The following UBR1 variants were observed in gnomAD, a reference collection of about 807,000 sequenced individuals.
UBR1 encodes E3 ubiquitin-protein ligase UBR1.
Under a neutral mutation model 242.1 loss-of-function variants are expected in UBR1, and 102 were observed. That is an observed-to-expected ratio of 0.42 (90% CI 0.36 to 0.50). The LOEUF is 0.50. UBR1 is among the 20% of genes least tolerant of loss of function. The pLI is 0.01. For synonymous variants in UBR1, 675 were observed against 684.8 expected, an observed-to-expected ratio of 0.99 and a Z score of 0.22; for missense variants, 1,772 against 2,101.8, an observed-to-expected ratio of 0.84 and a Z score of 3.07.
chr15:43,026,496 T>G, intron 23 of UBR1, 65 bp downstream of exon 23: 1 of 1,430,324 alleles, frequency 7.0e-7, no homozygotes, highest in South Asian at 1.2e-5. Flanking sequence ...AGCAGAAAAT[T>G]TTCTGTGGAG....
chr15:42,976,646 A>G, intron 39 of UBR1, 71 bp downstream of exon 39: 2 of 1,547,240 alleles, frequency 1.3e-6, no homozygotes, highest in East Asian at 4.5e-5. Flanking sequence ...TATAATCACA[A>G]GAATAATTAA....
At chr15:42,949,445 T>A (rs1040523176) in intron 46 of UBR1, among the ~76,000 whole-genome samples, 59 of 149,860 alleles carry the variant, frequency 3.9e-4, no homozygotes, top group East Asian at 2.0e-3. Context: ...TAAAATAAAA[T>A]AAAAAAAAAA....
At chr15:43,093,872 C>A (rs1262951290) in intron 1 of UBR1, among the ~76,000 whole-genome samples, 1 of 150,304 alleles carries the variant, frequency 6.7e-6, no homozygotes, top group African/African-American at 2.4e-5. Flanking sequence ...TATCCTGTTA[C>A]TGAAATAAAC....
intron 4 of UBR1, among the ~76,000 whole-genome samples, chr15:43,071,596 A>C (rs2033826220): frequency 6.6e-6 from 1 of 152,192 alleles, no homozygotes; most frequent in African/African-American, 2.4e-5. Flanking sequence ...ATTCTTAAAA[A>C]CGGTTAAGAT....
intron 6 of UBR1, among the ~76,000 whole-genome samples, chr15:43,062,447 A>G (rs1271589753): frequency 6.6e-6 from 1 of 152,088 alleles, no homozygotes; most frequent in African/African-American, 2.4e-5. Context: ...GAGGGAGGGG[A>G]AAAGGGGGAA....
intron 33 of UBR1, among the ~76,000 whole-genome samples, chr15:42,996,940 G>C (rs1171501972): frequency 6.6e-6 from 1 of 152,122 alleles, no homozygotes; most frequent in African/African-American, 2.4e-5. Flanking sequence ...ACTGGACTTT[G>C]CCTTCACCCT....
chr15:43,051,666 A>AT (rs1276009451), intron 12 of UBR1, among the ~76,000 whole-genome samples: 1 of 152,186 alleles, frequency 6.6e-6, no homozygotes, highest in Non-Finnish European at 1.5e-5. Flanking sequence ...GAGAATTTAC[A>AT]TTTTTGGTTT....
intron 40 of UBR1, 106 bp downstream of exon 40, chr15:42,970,414 T>C (rs2032184577): frequency 8.3e-7 from 1 of 1,204,670 alleles, no homozygotes; most frequent in South Asian, 1.2e-5. Context: ...AGGCAATAAC[T>C]GATTATTTTT....
rs1318570816 is a variant in UBR1 at position 43,054,808 on chromosome 15, T to C, written c.1373A>G (p.Lys458Arg). 4.3e-6 allele frequency: 7 copies of C among 1,614,130 alleles called. No homozygotes were observed. Among genetic ancestry groups the C allele is most frequent in the Middle Eastern group, 3.3e-4 (2 of 6,060 alleles). Reference protein sequence around the residue: ...VLPEYLDRNNKFNFQGYSQDK... With the variant: ...VLPEYLDRNNRFNFQGYSQDK... Reference sequence around the variant, plus strand: ...CTGGCTATAACCCTGGAAGTTGAATTTATTGTTCCTGTCCAAGTACTCAGG... The same window carrying C: ...CTGGCTATAACCCTGGAAGTTGAATCTATTGTTCCTGTCCAAGTACTCAGG... Residue 458 changes from lysine to arginine, a missense_variant, in exon 12 of 47, where the codon AAA becomes AGA. Lys to Arg is a conservative substitution (Grantham distance 26). Transcript: ENST00000290650.
chr15:43,031,849 C>T (rs763132446), intron 20 of UBR1, among the ~76,000 whole-genome samples: 18 of 152,202 alleles, frequency 1.2e-4, no homozygotes, highest in Admixed American at 1.0e-3. Flanking sequence ...GGTGAAACCC[C>T]GTCTCTATTA....
At chr15:43,034,036 G>A (rs918413288) in intron 19 of UBR1, among the ~76,000 whole-genome samples, 3 of 152,008 alleles carry the variant, frequency 2.0e-5, no homozygotes, top group Non-Finnish European at 1.5e-5. Context: ...TCAGGAGTTC[G>A]AAATCAGCCT....
At chr15:42,993,395 G>A (rs1167348308) in intron 33 of UBR1, among the ~76,000 whole-genome samples, 6 of 149,694 alleles carry the variant, frequency 4.0e-5, no homozygotes, top group East Asian at 3.9e-4. Flanking sequence ...ACAGAGTCTC[G>A]CTGTATCACC....
At chr15:43,005,798 G>A (rs1258816220) in intron 30 of UBR1, among the ~76,000 whole-genome samples, 8 of 148,832 alleles carry the variant, frequency 5.4e-5, no homozygotes, top group African/African-American at 1.2e-4. Flanking sequence ...CCCCAACCCC[G>A]TGCTCTCTGA....
chr15:43,042,039 G>A (rs1034170983), intron 15 of UBR1, among the ~76,000 whole-genome samples: 1 of 152,154 alleles, frequency 6.6e-6, no homozygotes, highest in African/African-American at 2.4e-5. Flanking sequence ...AATAGCAAGT[G>A]TTGGCAAGGT....
At chr15:42,953,170 G>A (rs763212685) in intron 44 of UBR1, among the ~76,000 whole-genome samples, 1 of 152,172 alleles carries the variant, frequency 6.6e-6, no homozygotes, top group African/African-American at 2.4e-5. Flanking sequence ...GTCAACTAGT[G>A]TTTTATGATG....
chr15:43,019,068 C>CT (rs963307785), intron 27 of UBR1, among the ~76,000 whole-genome samples: 74 of 148,272 alleles, frequency 5.0e-4, no homozygotes, highest in African/African-American at 9.1e-4. Context: ...ATATCACTAT[C>CT]TTTTTTTTTT....
intron 36 of UBR1, 129 bp from the exon 37 acceptor site, chr15:42,984,122 A>G: frequency 1.9e-6 from 1 of 520,696 alleles, no homozygotes; most frequent in South Asian, 3.5e-5. Context: ...TATACCTTAT[A>G]TCATTGCAAA....
At chr15:42,964,783 A>G (rs1395244330) in intron 41 of UBR1, among the ~76,000 whole-genome samples, 1 of 152,182 alleles carries the variant, frequency 6.6e-6, no homozygotes, top group Non-Finnish European at 1.5e-5. Context: ...TCTTCTATTT[A>G]GGAATATTCT....
chr15:43,014,947 G>T (rs924373943), intron 29 of UBR1, among the ~76,000 whole-genome samples: 5 of 150,424 alleles, frequency 3.3e-5, no homozygotes, highest in Non-Finnish European at 5.9e-5. Flanking sequence ...CCCCCGCCCG[G>T]CCAGCTGCCC....
Sources: gnomAD v4.1 joint callset for allele counts (sites outside exome capture counted in the v4.1 genomes callset) on GRCh38, gnomAD v4.1.1 for gene constraint, MANE v1.5 for transcripts, NCBI Gene and HGNC (gene_info 2026-07-23, HGNC 2026-07-21) for gene names.